CCDC85A: variants seen among roughly 807,000 people sequenced by gnomAD.
CCDC85A encodes coiled-coil domain containing 85A.
In CCDC85A, 38 loss-of-function variants were observed where a neutral mutation model predicts 50.2. The ratio of observed to expected loss-of-function variants is 0.76; its 90% CI spans 0.58 to 0.99. The LOEUF is 0.99. Ranked by LOEUF, CCDC85A falls within the 50% of genes least tolerant of loss-of-function variation. The pLI, the probability that CCDC85A is intolerant of heterozygous loss-of-function variation, is 0.00. For synonymous variants in CCDC85A, 366 were observed against 301.4 expected (o/e 1.21, Z -2.22); for missense variants, 820 against 742.0 (o/e 1.11, Z -1.22).
chr2:56,299,271 A>C (rs986467810), intron 2 of CCDC85A, among the ~76,000 whole-genome samples: 2 of 152,262 alleles, frequency 1.3e-5, no homozygotes, highest in East Asian at 1.9e-4. Context: ...GCTTGTTTTC[A>C]GGACATCTTT....
intron 2 of CCDC85A, among the ~76,000 whole-genome samples, chr2:56,265,628 C>G (rs922432646): frequency 1.9e-4 from 29 of 151,910 alleles, no homozygotes; most frequent in Admixed American, 1.6e-3. Context: ...TGGCTATTAT[C>G]GAAAAGATGA....
At chr2:56,376,113 C>T (rs1446733421) in intron 5 of CCDC85A, among the ~76,000 whole-genome samples, 178 bp downstream of exon 5, 2 of 152,040 alleles carry the variant, frequency 1.3e-5, no homozygotes, top group Non-Finnish European at 2.9e-5. Context: ...TCTAAACTGA[C>T]AATGAGTTTG....
chr2:56,345,443 A>T (rs1314008915), intron 3 of CCDC85A, among the ~76,000 whole-genome samples: 1 of 152,228 alleles, frequency 6.6e-6, no homozygotes, highest in African/African-American at 2.4e-5. Flanking sequence ...TAATACAAAG[A>T]GAACCCATTG....
intron 2 of CCDC85A, among the ~76,000 whole-genome samples, chr2:56,209,243 A>T (rs1677087381): frequency 6.6e-6 from 1 of 152,096 alleles, no homozygotes; most frequent in African/African-American, 2.4e-5. Context: ...GTTGAACGCG[A>T]CCTATTTGAA....
chr2:56,325,568 A>G (rs10203280), intron 2 of CCDC85A, among the ~76,000 whole-genome samples: 24,514 of 152,108 alleles, frequency 0.16, 2,157 homozygotes, highest in Admixed American at 0.23. Flanking sequence ...CTTTAAATTG[A>G]ACAGAGTGAA....
chr2:56,223,043 AG>A, intron 2 of CCDC85A, among the ~76,000 whole-genome samples: 1 of 152,256 alleles, frequency 6.6e-6, no homozygotes, highest in Non-Finnish European at 1.5e-5. Flanking sequence ...TTCTATTGGT[AG>A]GATATGAAAA....
chr2:56,239,266 A>G lies in CCDC85A; in HGVS notation c.1240+45826A>G, dbSNP rs1459712982. ...ATTAAATGTCCTATGCTCAAGGTAC[A>G]TGTCATACTATTGTTTGTTTAAAAG... On this transcript the variant is annotated intron_variant, in intron 2 of 5. Transcript: ENST00000407595. 5.3e-5 allele frequency among the ~76,000 whole-genome samples: 8 copies of G among 152,100 alleles called. No individual in the cohort carries two copies. In the South Asian group the frequency reaches 1.7e-3, roughly 31 times the overall value.
chr2:56,250,685 C>A (rs1274934161), intron 2 of CCDC85A, among the ~76,000 whole-genome samples: 1 of 152,090 alleles, frequency 6.6e-6, no homozygotes, highest in Non-Finnish European at 1.5e-5. Context: ...ATTCAAATTG[C>A]TAATGTGTGC....
chr2:56,228,330 A>AATC (rs1300162903), intron 2 of CCDC85A, among the ~76,000 whole-genome samples: 1 of 150,978 alleles, frequency 6.6e-6, no homozygotes, highest in African/African-American at 2.4e-5. Flanking sequence ...AAAGTATAAT[A>AATC]ATAATAATAA....
chr2:56,370,540 T>G (rs576943495), intron 3 of CCDC85A, among the ~76,000 whole-genome samples: 1 of 152,208 alleles, frequency 6.6e-6, no homozygotes, highest in African/African-American at 2.4e-5. Flanking sequence ...TTGTTCCCCC[T>G]TATGAGATTA....
At chr2:56,271,661 A>G (rs1670704306) in intron 2 of CCDC85A, among the ~76,000 whole-genome samples, 1 of 152,178 alleles carries the variant, frequency 6.6e-6, no homozygotes, top group African/African-American at 2.4e-5. Context: ...GTTTGGCCCA[A>G]TTAGGAGGTC....
chr2:56,280,896 A>G (rs918161188), intron 2 of CCDC85A, among the ~76,000 whole-genome samples: 11 of 152,216 alleles, frequency 7.2e-5, no homozygotes, highest in Non-Finnish European at 1.3e-4. Context: ...TTAGAAATTA[A>G]TATTTATAGG....
At chr2:56,206,041 G>A (rs370320168) in intron 2 of CCDC85A, among the ~76,000 whole-genome samples, 1 of 152,104 alleles carries the variant, frequency 6.6e-6, no homozygotes, top group African/African-American at 2.4e-5. Context: ...AAGTGTAGAG[G>A]TGGAAATGAG....
chr2:56,184,505 C>G lies in CCDC85A; in HGVS notation c.-120C>G, dbSNP rs1342073240. The G allele has an allele frequency of 8.1e-6, 9 of 1,110,694 alleles. No individual in the cohort carries two copies. In the East Asian group the frequency reaches 2.4e-4, roughly 29 times the overall value. The allele number at this position is 1,110,694 out of a possible 1,614,324, so 68.8% of individuals were successfully genotyped here. On this transcript the variant is annotated 5_prime_UTR_variant, in exon 1 of 6. Coordinates refer to ENST00000407595, the MANE Select transcript of CCDC85A (RefSeq NM_001080433.2). ...CCGCCCCAACCCAGCGGCCCCTGGGCGGTGCCGCTGACTCGCCGGAGCGCA... is the reference window on the plus strand; with the variant it reads ...CCGCCCCAACCCAGCGGCCCCTGGGGGGTGCCGCTGACTCGCCGGAGCGCA...
intron 4 of CCDC85A, among the ~76,000 whole-genome samples, chr2:56,374,382 A>T (rs1446160918): frequency 1.3e-5 from 2 of 152,226 alleles, no homozygotes; most frequent in African/African-American, 4.8e-5. Flanking sequence ...TCCAAATTGC[A>T]AAAATAATAA....
intron 2 of CCDC85A, among the ~76,000 whole-genome samples, chr2:56,331,153 A>C (rs186607893): frequency 5.9e-5 from 9 of 152,336 alleles, no homozygotes; most frequent in Admixed American, 5.9e-4. Context: ...ACATGTTCCC[A>C]CTTAGAAGTG....
intron 3 of CCDC85A, among the ~76,000 whole-genome samples, chr2:56,368,926 GA>G (rs1464385344): frequency 6.6e-6 from 1 of 151,760 alleles, no homozygotes; most frequent in Admixed American, 6.6e-5. Flanking sequence ...TTTTTAGGAA[GA>G]ATTTTCATTA....
chr2:56,222,156 C>G (rs1668353947), intron 2 of CCDC85A, among the ~76,000 whole-genome samples: 1 of 152,036 alleles, frequency 6.6e-6, no homozygotes, highest in Non-Finnish European at 1.5e-5. Flanking sequence ...ATATTCTAAC[C>G]ATATCACTAT....
At chr2:56,382,112 C>T (rs1337370632) in intron 5 of CCDC85A, among the ~76,000 whole-genome samples, 2 of 151,904 alleles carry the variant, frequency 1.3e-5, no homozygotes, top group East Asian at 1.9e-4. Flanking sequence ...GTTATTGTCA[C>T]CATTATTAAT....
Sources: gnomAD v4.1 joint callset for allele counts (sites outside exome capture counted in the v4.1 genomes callset) on GRCh38, gnomAD v4.1.1 for gene constraint, MANE v1.5 for transcripts, NCBI Gene and HGNC (gene_info 2026-07-23, HGNC 2026-07-21) for gene names.